The following LARGE1 variants were observed in gnomAD, a reference collection of about 807,000 sequenced individuals.
LARGE1 encodes the protein xylosyl- and glucuronyltransferase LARGE1.
In LARGE1, 43 loss-of-function variants were observed where a neutral mutation model predicts 87.6. The observed-to-expected ratio is 0.49, with a 90% CI of 0.38 to 0.63. The LOEUF is 0.63. Ranked by LOEUF, LARGE1 falls within the 30% of genes least tolerant of loss-of-function variation. The pLI, the probability that LARGE1 is intolerant of heterozygous loss-of-function variation, is 0.00. For synonymous variants in LARGE1, 434 were observed against 394.6 expected, an observed-to-expected ratio of 1.10 and a Z score of -1.18; for missense variants, 802 against 1,000.2, an observed-to-expected ratio of 0.80 and a Z score of 2.67.
chr22:33,069,210 A>G, the LARGE1 span, among the ~76,000 whole-genome samples: 3 of 152,224 alleles, frequency 2.0e-5, no homozygotes, highest in Non-Finnish European at 2.9e-5. Context: ...GCCGTCTAAC[A>G]ATGCTTTATT....
At chr22:33,525,111 T>A (rs1182907100) in intron 6 of LARGE1, among the ~76,000 whole-genome samples, 2 of 152,168 alleles carry the variant, frequency 1.3e-5, no homozygotes, top group African/African-American at 4.8e-5. Context: ...CATGGCTTAC[T>A]CAAGTCAAGT....
At chr22:33,783,927 T>C (rs551376038) in intron 1 of LARGE1, among the ~76,000 whole-genome samples, 10 of 152,296 alleles carry the variant, frequency 6.6e-5, no homozygotes, top group Non-Finnish European at 1.2e-4. Context: ...AAAAAGGACC[T>C]ATGTGTTTAA....
At chr22:33,264,065 A>C (rs2145756526) in intron 11 of LARGE1, among the ~76,000 whole-genome samples, 1 of 152,366 alleles carries the variant, frequency 6.6e-6, no homozygotes, top group South Asian at 2.1e-4. Context: ...TGACTGAAGC[A>C]TAGCAAGGAC....
At chr22:33,707,170 G>A (rs548969654) in intron 2 of LARGE1, among the ~76,000 whole-genome samples, 1 of 152,298 alleles carries the variant, frequency 6.6e-6, no homozygotes, top group South Asian at 2.1e-4. Context: ...GGGAGGGAAT[G>A]GGGAAAACAT....
chr22:33,908,451 G>A (rs551351334), intron 1 of LARGE1, among the ~76,000 whole-genome samples: 66 of 151,792 alleles, frequency 4.3e-4, no homozygotes, highest in Non-Finnish European at 6.2e-4. Flanking sequence ...TACCGGGCAG[G>A]AGGGGTATGT....
intron 2 of LARGE1, among the ~76,000 whole-genome samples, chr22:33,727,282 A>G (rs2083300554): frequency 6.6e-6 from 1 of 152,252 alleles, no homozygotes; most frequent in African/African-American, 2.4e-5. Flanking sequence ...TGATTAAGCC[A>G]TTTAATTAGC....
At chr22:33,491,498 C>A (rs903606129) in intron 6 of LARGE1, among the ~76,000 whole-genome samples, 1 of 152,170 alleles carries the variant, frequency 6.6e-6, no homozygotes, top group African/African-American at 2.4e-5. Context: ...ATTTAAAAGA[C>A]AATGCTCGAC....
At chr22:33,534,364 A>G (rs1043506207) in intron 6 of LARGE1, among the ~76,000 whole-genome samples, 9 of 151,866 alleles carry the variant, frequency 5.9e-5, no homozygotes, top group Non-Finnish European at 1.2e-4. Context: ...AGAACACGCC[A>G]CTGCACTCCA....
rs35976426 is a variant in LARGE1, at chr22:33,441,071, C to CTTTTTTTTT, written c.788-8815_788-8807dup. On this transcript the variant is annotated intron_variant, in intron 6 of 14. Transcript: ENST00000397394. ...CTCAGCTGCTGCTATTTTGTTTGAA[C>CTTTTTTTTT]TTTTTTTTTTTTTTTTTTTTGAGAG... 8.4e-4 allele frequency among the ~76,000 whole-genome samples: 83 copies of CTTTTTTTTT among 98,522 alleles called. 3 individuals are homozygous for CTTTTTTTTT. Among genetic ancestry groups the CTTTTTTTTT allele is most frequent in the African/African-American group, 3.7e-3 (76 of 20,394 alleles). The allele number at this position is 98,522 out of a possible 152,430, so 64.6% of individuals were successfully genotyped here. A position where few individuals can be genotyped will look rare whatever the true frequency, so the allele number is the denominator to read the frequency against.
At chr22:33,545,386 TG>T (rs1302889529) in intron 6 of LARGE1, among the ~76,000 whole-genome samples, 1 of 149,528 alleles carries the variant, frequency 6.7e-6, no homozygotes, top group Non-Finnish European at 1.5e-5. Context: ...CCCAAGTAGC[TG>T]GGACTACAGG....
At chr22:33,423,587 C>A (rs952769981) in intron 7 of LARGE1, among the ~76,000 whole-genome samples, 5 of 148,342 alleles carry the variant, frequency 3.4e-5, no homozygotes, top group Admixed American at 1.4e-4. Flanking sequence ...GGCTGAGGCG[C>A]GGGAATGGCT....
At position 33,354,145 on chromosome 22, in the gene LARGE1, C is replaced by T. The variant is rs556842449; in HGVS notation, c.1132-16344G>A. Among the ~76,000 whole-genome samples the T allele has an allele frequency of 7.2e-5, 11 of 152,240 alleles. No homozygotes were observed. The South Asian group carries it at 1.0e-3, about 14-fold the overall frequency. On this transcript the variant is annotated intron_variant, in intron 9 of 14. Transcript: ENST00000397394. ...CACACACACTTTAAATCTGACCCTT[C>T]GGTGGAAAGGTGACAAATGAGAAAG...
the LARGE1 span, among the ~76,000 whole-genome samples, chr22:33,075,854 C>T: frequency 6.6e-6 from 1 of 152,088 alleles, no homozygotes; most frequent in African/African-American, 2.4e-5. Flanking sequence ...CTTTCATGAG[C>T]TCTGGGGACT....
chr22:33,809,823 G>T (rs1311737746), intron 1 of LARGE1, among the ~76,000 whole-genome samples: 1 of 151,758 alleles, frequency 6.6e-6, no homozygotes, highest in Non-Finnish European at 1.5e-5. Context: ...TCTCAATTGG[G>T]GTGCTAAATT....
chr22:33,436,293 A>G (rs76685081), intron 6 of LARGE1, among the ~76,000 whole-genome samples: 1 of 152,344 alleles, frequency 6.6e-6, no homozygotes, highest in Admixed American at 6.5e-5. Flanking sequence ...CACTGTACAT[A>G]TGATAGTCAC....
intron 1 of LARGE1, among the ~76,000 whole-genome samples, chr22:33,773,416 T>C (rs2085134120): frequency 6.6e-6 from 1 of 152,250 alleles, no homozygotes; most frequent in African/African-American, 2.4e-5. Flanking sequence ...CGAAGTCAAA[T>C]TCTCTGGCTG....
chr22:33,221,907 A>G (rs1384450599), intron 11 of LARGE1, among the ~76,000 whole-genome samples: 1 of 152,202 alleles, frequency 6.6e-6, no homozygotes, highest in African/African-American at 2.4e-5. Flanking sequence ...CAATAAGAAC[A>G]CCACAGTCCT....
At chr22:33,436,905 GA>G (rs1390533607) in intron 6 of LARGE1, among the ~76,000 whole-genome samples, 1 of 151,836 alleles carries the variant, frequency 6.6e-6, no homozygotes, top group African/African-American at 2.4e-5. Context: ...GATACTGAAG[GA>G]CTCTAAAGTT....
intron 2 of LARGE1, among the ~76,000 whole-genome samples, chr22:33,751,985 T>C (rs898004331): frequency 1.3e-5 from 2 of 152,210 alleles, no homozygotes; most frequent in African/African-American, 4.8e-5. Flanking sequence ...GTTCGCCACA[T>C]TGGCCAGGCT....
Sources: allele counts gnomAD v4.1 joint callset (sites outside exome capture counted in the v4.1 genomes callset), GRCh38; gene constraint gnomAD v4.1.1; transcripts MANE v1.5; gene names NCBI Gene and HGNC (gene_info 2026-07-23, HGNC 2026-07-21).